FBLN2: variants seen among roughly 807,000 people sequenced by gnomAD.
The protein encoded by FBLN2 is fibulin-2.
Under a neutral mutation model 123.7 loss-of-function variants are expected in FBLN2, and 81 were observed. The observed-to-expected ratio is 0.65, with a 90% CI of 0.55 to 0.79. The LOEUF (loss-of-function observed/expected upper bound fraction) is 0.79, where lower values mean the gene tolerates loss of function less well. Among genes scored for constraint, FBLN2 ranks in the 30% least tolerant of loss-of-function variants. FBLN2 has a pLI of 0.00. For missense variants in FBLN2, 1,603 were observed against 1,681.3 expected, an observed-to-expected ratio of 0.95 and a Z score of 0.81; for synonymous variants, 699 against 701.4, an observed-to-expected ratio of 1.00 and a Z score of 0.05.
chr3:13,578,412 G>A (rs572950832), intron 2 of FBLN2, among the ~76,000 whole-genome samples: 1 of 152,256 alleles, frequency 6.6e-6, no homozygotes, highest in South Asian at 2.1e-4. Flanking sequence ...CTATGGATTT[G>A]CATATTCTGG....
chr3:13,592,005 T>C (rs1436054760), intron 2 of FBLN2, among the ~76,000 whole-genome samples: 2 of 151,160 alleles, frequency 1.3e-5, no homozygotes, highest in African/African-American at 4.9e-5. Flanking sequence ...GGTCTGTTTC[T>C]GGCCTCTCTT....
intron 7 of FBLN2, 49 bp downstream of exon 7, chr3:13,619,066 G>C (rs367771581): frequency 6.9e-7 from 1 of 1,445,200 alleles, no homozygotes; most frequent in Non-Finnish European, 9.5e-7. Context: ...GGTCCAGGGG[G>C]TGGGTCTGGG....
chr3:13,550,974 A>G (rs910868852), intron 1 of FBLN2, among the ~76,000 whole-genome samples: 1 of 152,192 alleles, frequency 6.6e-6, no homozygotes, highest in African/African-American at 2.4e-5. Flanking sequence ...TCTTCTCTTG[A>G]AAAGTCACAA....
rs939321245 is a variant in FBLN2 at position 13,603,865 on chromosome 3, C to T, written c.1307-4197C>T. Among the ~76,000 whole-genome samples the T allele has an allele frequency of 1.2e-3, 179 of 152,250 alleles. 1 individual carries two copies. The highest frequency in any genetic ancestry group is 2.5e-3 in the East Asian group (13 of 5,188). On this transcript the variant is annotated intron_variant, in intron 2 of 17. Transcript: ENST00000404922. ...TACAGTCCCACCAACAGTGTAAAAG[C>T]GTTCCTATTTCTCCACATCCTCTCC...
Position 13,628,925 on chromosome 3 carries a change from C to G in FBLN2, c.2590C>G (p.Leu864Val), listed in dbSNP as rs769570371. The change falls in exon 12 of 18, where the codon CTG becomes GTG. Residue 864 changes from leucine to valine, a missense_variant. By Grantham distance (32) the Leu-to-Val change is conservative. Coordinates refer to ENST00000404922, the MANE Select transcript of FBLN2 (RefSeq NM_001004019.2). Reference protein sequence around the residue: ...NCVDINECTSLSEPCRPGFSC... With the variant: ...NCVDINECTSVSEPCRPGFSC... The stretch of plus-strand genomic sequence containing the variant: ...TGCAGACATCAACGAGTGCACGTCA[C>G]TGTCCGAGCCATGTCGGCCAGGCTT... 2 of 1,613,144 alleles carry G rather than the reference C, an allele frequency of 1.2e-6. No homozygotes were observed. Among genetic ancestry groups the G allele is most frequent in the Non-Finnish European group, 1.7e-6 (2 of 1,179,648 alleles).
intron 13 of FBLN2, 68 bp downstream of exon 13, chr3:13,629,360 C>T: frequency 6.7e-7 from 1 of 1,498,084 alleles, no homozygotes; most frequent in Non-Finnish European, 8.9e-7. Context: ...GTGCACTCCA[C>T]CTCCCCATGC....
intron 2 of FBLN2, among the ~76,000 whole-genome samples, chr3:13,583,085 C>T (rs1019668873): frequency 3.3e-5 from 5 of 152,268 alleles, no homozygotes; most frequent in Admixed American, 6.5e-5. Flanking sequence ...CGTCAGCAAA[C>T]GCGCGAGCTG....
chr3:13,571,172 G>A lies in FBLN2; in HGVS notation c.817G>A (p.Val273Met). 1 of 1,563,528 alleles carries A rather than the reference G, an allele frequency of 6.4e-7. No homozygotes were observed. Among genetic ancestry groups the A allele is most frequent in the Non-Finnish European group, 8.7e-7 (1 of 1,154,690 alleles). The change falls in exon 2 of 18, where the codon GTG (valine) becomes ATG (methionine). Residue 273 changes from valine to methionine, a missense_variant. By Grantham distance (21) the Val-to-Met change is conservative. Coordinates refer to ENST00000404922, the MANE Select transcript of FBLN2 (RefSeq NM_001004019.2). ...CCCAGTGCAGGCCAAAGCTAGGAGAGTGACCGAGGACAGTGAGGAGGAAGA... is the reference window on the plus strand; with the variant it reads ...CCCAGTGCAGGCCAAAGCTAGGAGAATGACCGAGGACAGTGAGGAGGAAGA... ...PAPVQAKARR[V>M]TEDSEEEEEE...
At chr3:13,612,654 T>A (rs1174831215) in intron 4 of FBLN2, among the ~76,000 whole-genome samples, 1 of 152,128 alleles carries the variant, frequency 6.6e-6, no homozygotes, top group South Asian at 2.1e-4. Flanking sequence ...GTGCTGGGAT[T>A]ACAGGCATGA....
chr3:13,596,627 C>T (rs546936998), intron 2 of FBLN2, among the ~76,000 whole-genome samples: 42 of 152,282 alleles, frequency 2.8e-4, no homozygotes, highest in African/African-American at 1.0e-3. Context: ...ACATCCACCT[C>T]GTTGTGCAGC....
Position 13,562,295 on chromosome 3 carries a change from A to G in FBLN2, c.-41-8020A>G, listed in dbSNP as rs74999357. ...TCTTTGGTTATTTACGTTTGGCTCT[A>G]CAGTGCACATTTGTGATTATTGTCC... On this transcript the variant is annotated intron_variant, in intron 1 of 17. Transcript: ENST00000404922. 4.2e-4 allele frequency among the ~76,000 whole-genome samples: 63 copies of G among 151,664 alleles called. 1 individual carries two copies. The East Asian group carries it at 4.3e-3, about 10-fold the overall frequency.
chr3:13,565,924 A>C (rs1703734736), intron 1 of FBLN2, among the ~76,000 whole-genome samples: 2 of 152,274 alleles, frequency 1.3e-5, no homozygotes, highest in Admixed American at 1.3e-4. Flanking sequence ...CACTTCGGCC[A>C]GTGGCATAAG....
chr3:13,619,661 T>C (rs1451623541), intron 7 of FBLN2, 69 bp from the exon 8 acceptor site: 4 of 1,311,728 alleles, frequency 3.0e-6, no homozygotes, highest in Non-Finnish European at 4.3e-6. Flanking sequence ...GAGCCAGGGA[T>C]GGGGAATGAG....
chr3:13,555,861 C>T (rs140067302), intron 1 of FBLN2, among the ~76,000 whole-genome samples: 151 of 152,318 alleles, frequency 9.9e-4, no homozygotes, highest in South Asian at 4.4e-3. Flanking sequence ...GAGGGATTCG[C>T]GGGGACATTT....
At chr3:13,620,253 G>A (rs1705804280) in intron 8 of FBLN2, among the ~76,000 whole-genome samples, 1 of 152,184 alleles carries the variant, frequency 6.6e-6, no homozygotes, top group Admixed American at 6.5e-5. Context: ...AGGTGATACG[G>A]ATGCTGCTGG....
intron 2 of FBLN2, among the ~76,000 whole-genome samples, chr3:13,597,455 G>A (rs747293971): frequency 2.1e-4 from 32 of 152,094 alleles, no homozygotes; most frequent in Non-Finnish European, 3.1e-4. Flanking sequence ...TTTTACCCCC[G>A]AACAATCTTG....
At chr3:13,623,604 G>T (rs1046240589) in intron 9 of FBLN2, among the ~76,000 whole-genome samples, 3 of 152,164 alleles carry the variant, frequency 2.0e-5, no homozygotes, top group African/African-American at 7.2e-5. Context: ...TCATTTGTTT[G>T]CTCTGCACTT....
chr3:13,635,630 C>T (rs761383494), intron 16 of FBLN2, among the ~76,000 whole-genome samples: 19 of 151,858 alleles, frequency 1.3e-4, no homozygotes, highest in African/African-American at 3.9e-4. Context: ...AGCGTGAGCA[C>T]GTCTGTTGCT....
chr3:13,564,785 C>T (rs1406502353), intron 1 of FBLN2, among the ~76,000 whole-genome samples: 1 of 152,242 alleles, frequency 6.6e-6, no homozygotes, highest in Non-Finnish European at 1.5e-5. Flanking sequence ...TCCTCGCCAG[C>T]CCAGAGAGGT....
Sources: allele counts gnomAD v4.1 joint callset (sites outside exome capture counted in the v4.1 genomes callset), GRCh38; gene constraint gnomAD v4.1.1; transcripts MANE v1.5; gene names NCBI Gene and HGNC (gene_info 2026-07-23, HGNC 2026-07-21).